CCDC148: variants seen among roughly 807,000 people sequenced by gnomAD.
CCDC148 encodes coiled-coil domain containing 148.
A neutral mutation model predicts 85.7 loss-of-function variants in CCDC148; 89 were observed. The observed-to-expected ratio is 1.04, with a 90% CI of 0.87 to 1.24. CCDC148 has a LOEUF of 1.24. Among genes scored for constraint, CCDC148 ranks in the 50% most tolerant of loss-of-function variants. The pLI is 0.00. For synonymous variants in CCDC148, 230 were observed against 213.9 expected (o/e 1.08, Z -0.66); for missense variants, 692 against 671.7 (o/e 1.03, Z -0.33).
chr2:158,361,930 T>A (rs1207137264), intron 1 of CCDC148, among the ~76,000 whole-genome samples: 1 of 149,004 alleles, frequency 6.7e-6, no homozygotes, highest in African/African-American at 2.5e-5. Context: ...ATCCATCTCA[T>A]GTGCAAAGAT....
intron 7 of CCDC148, among the ~76,000 whole-genome samples, chr2:158,329,159 A>C (rs1692956808): frequency 6.6e-6 from 1 of 152,214 alleles, no homozygotes; most frequent in Admixed American, 6.5e-5. Flanking sequence ...TCAAACATTT[A>C]AGTCTTTAAG....
At position 158,456,397 on chromosome 2, in the gene CCDC148, G is replaced by A. The variant is rs1215477281; in HGVS notation, c.25+18C>T. On this transcript the variant is annotated intron_variant, in intron 1 of 13. Coordinates refer to ENST00000283233, the MANE Select transcript of CCDC148 (RefSeq NM_138803.4). ...GTCAGGAGGAAGCAGCGATGGAAGG[G>A]ATGGGGTGCAAACTCACCTGGAGAA... 1.4e-5 allele frequency: 23 copies of A among 1,611,078 alleles called. No homozygotes were observed. Among genetic ancestry groups the A allele is most frequent in the Non-Finnish European group, 2.0e-5 (23 of 1,178,618 alleles).
At chr2:158,358,271 C>G (rs1162018238) in intron 2 of CCDC148, among the ~76,000 whole-genome samples, 178 bp downstream of exon 2, 3 of 152,142 alleles carry the variant, frequency 2.0e-5, no homozygotes, top group Admixed American at 6.5e-5. Context: ...TGCATGTAAA[C>G]TATATAATGG....
intron 1 of CCDC148, among the ~76,000 whole-genome samples, chr2:158,411,695 G>A (rs1686267095): frequency 6.6e-6 from 1 of 151,732 alleles, no homozygotes; most frequent in South Asian, 2.1e-4. Flanking sequence ...CATTTCTTTG[G>A]GGTCAATTAC....
chr2:158,215,953 G>A (rs1686829899), intron 11 of CCDC148, among the ~76,000 whole-genome samples: 1 of 152,162 alleles, frequency 6.6e-6, no homozygotes, highest in Admixed American at 6.5e-5. Context: ...CCCCTCACCA[G>A]AACCTGACCA....
chr2:158,175,252 C>T (rs1445049908), intron 13 of CCDC148, among the ~76,000 whole-genome samples: 4 of 152,010 alleles, frequency 2.6e-5, no homozygotes, highest in African/African-American at 9.7e-5. Context: ...CAGCTATTCT[C>T]CCCACTTCAG....
chr2:158,324,906 C>T (rs1692693261), intron 7 of CCDC148, among the ~76,000 whole-genome samples: 5 of 152,040 alleles, frequency 3.3e-5, no homozygotes, highest in Admixed American at 3.3e-4. Context: ...ACTCTGCAAC[C>T]TCACCTGTTA....
chr2:158,437,565 C>A (rs1285993058), intron 1 of CCDC148, among the ~76,000 whole-genome samples: 1 of 152,130 alleles, frequency 6.6e-6, no homozygotes, highest in African/African-American at 2.4e-5. Flanking sequence ...TGAAAACTGG[C>A]ACAAGACAGG....
chr2:158,369,391 C>T (rs1244280480), intron 1 of CCDC148, among the ~76,000 whole-genome samples: 2 of 152,108 alleles, frequency 1.3e-5, no homozygotes, highest in African/African-American at 4.8e-5. Context: ...TCCTTCACTT[C>T]CATGGTTAGC....
intron 11 of CCDC148, among the ~76,000 whole-genome samples, chr2:158,217,336 G>GTGTATATATATATA (rs59724353): frequency 1.7e-4 from 24 of 137,684 alleles, no homozygotes; most frequent in South Asian, 4.5e-4. Flanking sequence ...ATAATTTTGT[G>GTGTATATATATATA]TATATATATA....
chr2:158,386,973 A>G (rs1685110819), intron 1 of CCDC148, among the ~76,000 whole-genome samples: 1 of 152,172 alleles, frequency 6.6e-6, no homozygotes, highest in African/African-American at 2.4e-5. Flanking sequence ...TTCCAGCCAC[A>G]TAACAAGTGT....
intron 9 of CCDC148, among the ~76,000 whole-genome samples, chr2:158,270,796 CA>C (rs1393410800): frequency 1.3e-5 from 2 of 152,150 alleles, no homozygotes; most frequent in African/African-American, 2.4e-5. Context: ...GCACTGTTAC[CA>C]GGGGGGAGTA....
chr2:158,300,089 C>T (rs1281977463), intron 9 of CCDC148, among the ~76,000 whole-genome samples: 1 of 152,128 alleles, frequency 6.6e-6, no homozygotes, highest in Non-Finnish European at 1.5e-5. Flanking sequence ...TTTAAAACTA[C>T]ATTTGGCATC....
At chr2:158,429,768 C>T (rs905333088) in intron 1 of CCDC148, among the ~76,000 whole-genome samples, 2 of 152,134 alleles carry the variant, frequency 1.3e-5, no homozygotes, top group Non-Finnish European at 1.5e-5. Flanking sequence ...ATATAAAACC[C>T]ATGTTTTCAC....
chr2:158,332,992 T>G (rs943259422), intron 7 of CCDC148, among the ~76,000 whole-genome samples: 1 of 152,150 alleles, frequency 6.6e-6, no homozygotes, highest in Non-Finnish European at 1.5e-5. Context: ...GTTCCTGGAT[T>G]CATTGATTTT....
chr2:158,289,470 C>T (rs958557478), intron 9 of CCDC148, among the ~76,000 whole-genome samples: 1 of 152,138 alleles, frequency 6.6e-6, no homozygotes, highest in Non-Finnish European at 1.5e-5. Flanking sequence ...ATTAAACATG[C>T]TGAAAGTCCC....
intron 9 of CCDC148, among the ~76,000 whole-genome samples, chr2:158,262,989 A>T (rs1485799190): frequency 6.6e-6 from 1 of 152,062 alleles, no homozygotes; most frequent in Non-Finnish European, 1.5e-5. Context: ...TGATTACGTG[A>T]TTTCAATAGG....
intron 9 of CCDC148, among the ~76,000 whole-genome samples, chr2:158,268,910 T>C (rs1689584156): frequency 6.6e-6 from 1 of 152,232 alleles, no homozygotes; most frequent in African/African-American, 2.4e-5. Flanking sequence ...TCCTTCTTTT[T>C]ATGGCTGAAT....
At chr2:158,333,610 A>T (rs1693264735) in intron 7 of CCDC148, among the ~76,000 whole-genome samples, 3 of 152,148 alleles carry the variant, frequency 2.0e-5, no homozygotes. Flanking sequence ...TAATATTGAC[A>T]GTGGGGTGTT....
Sources: allele counts gnomAD v4.1 joint callset (sites outside exome capture counted in the v4.1 genomes callset), GRCh38; gene constraint gnomAD v4.1.1; transcripts MANE v1.5; gene names NCBI Gene and HGNC (gene_info 2026-07-23, HGNC 2026-07-21).